GSTCD: variants seen among roughly 807,000 people sequenced by gnomAD.
GSTCD encodes glutathione S-transferase C-terminal domain-containing protein.
GSTCD carries 44 observed loss-of-function variants against 68.3 expected under a neutral mutation model. The ratio of observed to expected loss-of-function variants is 0.64; its 90% CI spans 0.51 to 0.83. The LOEUF is 0.83. Ranked by LOEUF, GSTCD falls within the 40% of genes least tolerant of loss-of-function variation. The probability of loss-of-function intolerance (pLI) is 0.00; values close to 1 mark genes in which losing one functional copy is unlikely to be tolerated. For synonymous variants in GSTCD, 273 were observed against 255.2 expected, an observed-to-expected ratio of 1.07 and a Z score of -0.67; for missense variants, 739 against 735.9, an observed-to-expected ratio of 1.00 and a Z score of -0.05.
chr4:105,717,854 C>A lies in GSTCD; in HGVS notation c.241C>A (p.Leu81Ile). ...VEIQIISRQE[L>I]PPIVQNCCLP... ...AATACAGATTATTTCAAGGCAGGAGCTCCCACCAATAGTCCAAAATTGCTG... is the reference window on the plus strand; with the variant it reads ...AATACAGATTATTTCAAGGCAGGAGATCCCACCAATAGTCCAAAATTGCTG... The change falls in exon 2 of 12, where the codon CTC becomes ATC. Residue 81 changes from leucine to isoleucine, a missense_variant. Coordinates refer to ENST00000515279, the MANE Select transcript of GSTCD (RefSeq NM_001370181.1). 1 of 1,614,070 alleles carries A rather than the reference C, an allele frequency of 6.2e-7. No homozygotes were observed. The highest frequency in any genetic ancestry group is 2.2e-5 in the East Asian group (1 of 44,866).
At chr4:105,717,449 G>T in intron 1 of GSTCD, 144 bp from the exon 2 acceptor site, 1 of 533,488 alleles carries the variant, frequency 1.9e-6, no homozygotes, top group Non-Finnish European at 3.2e-6. Context: ...CATTTAGTCA[G>T]TCTTCAGAAA....
chr4:105,805,600 A>G (rs1722456969), intron 5 of GSTCD, among the ~76,000 whole-genome samples: 1 of 152,036 alleles, frequency 6.6e-6, no homozygotes, highest in Non-Finnish European at 1.5e-5. Flanking sequence ...TCGCTCTTTT[A>G]TGCAAAATGC....
intron 5 of GSTCD, among the ~76,000 whole-genome samples, chr4:105,803,877 C>T (rs2553465): frequency 0.97 from 147,485 of 152,124 alleles, 71,506 homozygotes; most frequent in East Asian, 1. Context: ...AGAAAACCAA[C>T]AGAATGGTAA....
intron 1 of GSTCD, among the ~76,000 whole-genome samples, chr4:105,715,059 T>A (rs1386845099): frequency 1.3e-5 from 2 of 152,208 alleles, no homozygotes; most frequent in Non-Finnish European, 2.9e-5. Context: ...AAATCAGTCA[T>A]GTTTTCTTTC....
intron 5 of GSTCD, among the ~76,000 whole-genome samples, chr4:105,818,954 A>T (rs1001079292): frequency 6.6e-6 from 1 of 151,810 alleles, no homozygotes; most frequent in Non-Finnish European, 1.5e-5. Flanking sequence ...AAGATATACT[A>T]TATCCAGAAT....
At chr4:105,742,479 T>C (rs1733660966) in intron 5 of GSTCD, among the ~76,000 whole-genome samples, 1 of 152,188 alleles carries the variant, frequency 6.6e-6, no homozygotes, top group Non-Finnish European at 1.5e-5. Context: ...AGATAACCCA[T>C]GGCCAGATAC....
intron 5 of GSTCD, among the ~76,000 whole-genome samples, chr4:105,769,712 CT>C (rs1385520130): frequency 2.6e-5 from 4 of 151,876 alleles, no homozygotes; most frequent in Non-Finnish European, 5.9e-5. Context: ...TTTTTTACCC[CT>C]GATTTTTTGT....
chr4:105,768,929 A>G (rs1159911893), intron 5 of GSTCD, among the ~76,000 whole-genome samples: 2 of 151,922 alleles, frequency 1.3e-5, no homozygotes, highest in East Asian at 1.9e-4. Context: ...AATAAGAGAT[A>G]TAAGCTATTC....
chr4:105,734,511 T>G (rs779615763), intron 5 of GSTCD, among the ~76,000 whole-genome samples: 1 of 152,246 alleles, frequency 6.6e-6, no homozygotes, highest in Non-Finnish European at 1.5e-5. Flanking sequence ...CATCATGTAG[T>G]TCTCTTGCCA....
rs143823199 is a variant in GSTCD, at chr4:105,720,872, G to T, written c.894+1345G>T. ...GTTTCACCAGAATTGAATGAAAGTG[G>T]CATATCCATTCCTTTATTGAAGAAA... On this transcript the variant is annotated intron_variant, in intron 3 of 11. Transcript: ENST00000515279. Among the ~76,000 whole-genome samples the T allele has an allele frequency of 2.5e-4, 38 of 152,172 alleles. 1 individual carries two copies. The East Asian group carries it at 5.0e-3, about 20-fold the overall frequency.
intron 1 of GSTCD, among the ~76,000 whole-genome samples, chr4:105,714,848 A>G (rs1466745416): frequency 6.6e-6 from 1 of 152,128 alleles, no homozygotes; most frequent in Non-Finnish European, 1.5e-5. Context: ...TAACAGTGAG[A>G]AGAGTTTATA....
At chr4:105,822,119 G>A (rs1318410494) in intron 5 of GSTCD, among the ~76,000 whole-genome samples, 2 of 151,902 alleles carry the variant, frequency 1.3e-5, no homozygotes, top group African/African-American at 2.4e-5. Context: ...TTTTGCTCTT[G>A]TAAAGAATGC....
At chr4:105,720,708 TAGTC>T (rs1732834173) in intron 3 of GSTCD, among the ~76,000 whole-genome samples, 1 of 152,196 alleles carries the variant, frequency 6.6e-6, no homozygotes. Context: ...AATTTTTTCC[TAGTC>T]AGATGATTCC....
At chr4:105,750,117 A>T (rs1159414897) in intron 5 of GSTCD, among the ~76,000 whole-genome samples, 2 of 152,234 alleles carry the variant, frequency 1.3e-5, no homozygotes, top group Non-Finnish European at 2.9e-5. Flanking sequence ...ATGTAAATTT[A>T]AACTATAATG....
At chr4:105,811,770 GC>G (rs1348349113) in intron 5 of GSTCD, among the ~76,000 whole-genome samples, 1 of 152,120 alleles carries the variant, frequency 6.6e-6, no homozygotes, top group South Asian at 2.1e-4. Flanking sequence ...GAACACATTT[GC>G]ATTTTAGAAG....
At chr4:105,825,131 G>A (rs201934758) in intron 7 of GSTCD, among the ~76,000 whole-genome samples, 2 of 129,074 alleles carry the variant, frequency 1.5e-5, no homozygotes, top group African/African-American at 3.3e-5. Context: ...TTGGTTGGTT[G>A]GTTTGTTTGT....
intron 5 of GSTCD, among the ~76,000 whole-genome samples, chr4:105,790,504 T>G (rs543956928): frequency 2.3e-4 from 35 of 152,038 alleles, no homozygotes; most frequent in African/African-American, 8.0e-4. Context: ...TAGCCAGGTG[T>G]AGTGGTAATG....
intron 5 of GSTCD, among the ~76,000 whole-genome samples, chr4:105,753,733 T>G (rs1170967906): frequency 2.0e-5 from 3 of 152,092 alleles, no homozygotes; most frequent in Admixed American, 2.0e-4. Context: ...AAGGGATGAC[T>G]GTAGTTTATA....
At chr4:105,815,493 C>A (rs1722938153) in intron 5 of GSTCD, among the ~76,000 whole-genome samples, 2 of 151,804 alleles carry the variant, frequency 1.3e-5, no homozygotes, top group South Asian at 4.2e-4. Context: ...ATTTTTTAAA[C>A]AAAATAAAAT....
Sources: gnomAD v4.1 joint callset for allele counts (sites outside exome capture counted in the v4.1 genomes callset) on GRCh38, gnomAD v4.1.1 for gene constraint, MANE v1.5 for transcripts, NCBI Gene and HGNC (gene_info 2026-07-23, HGNC 2026-07-21) for gene names.